Variants in OR7D4 observed in about 807,000 individuals in gnomAD.
OR7D4 encodes the protein olfactory receptor family 7 subfamily D member 4.
For missense variants in OR7D4, 319 were observed against 377.1 expected (o/e 0.85, Z 1.27); for synonymous variants, 154 against 158.4 (o/e 0.97, Z 0.21).
chr19:9,215,518 T>G (rs185770505), intron 1 of OR7D4, among the ~76,000 whole-genome samples: 1 of 152,174 alleles, frequency 6.6e-6, no homozygotes, highest in South Asian at 2.1e-4. Flanking sequence ...TTCTAATAGA[T>G]GTACAATAGT....
rs141602237 is a variant in OR7D4 at position 9,212,758 on chromosome 19, T to A, written c.*1141A>T. On this transcript the variant is annotated 3_prime_UTR_variant, in exon 2 of 2. Coordinates refer to ENST00000641669, the MANE Select transcript of OR7D4 (RefSeq NM_001005191.3). The stretch of plus-strand genomic sequence containing the variant: ...ACATTATCATTCTTTGCTTTTGTGT[T>A]TGTTTTTGGTTTGAGACAGGGTCTT... 2 of 152,220 alleles carry A rather than the reference T, an allele frequency of 1.3e-5. No individual in the cohort carries two copies. The highest frequency in any genetic ancestry group is 4.8e-5 in the African/African-American group (2 of 41,514). 9.4% of individuals were successfully genotyped at this position (152,220 alleles called of 1,614,324 possible).
chr19:9,215,085 C>A (rs932373966), intron 1 of OR7D4, among the ~76,000 whole-genome samples: 1 of 152,120 alleles, frequency 6.6e-6, no homozygotes, highest in Non-Finnish European at 1.5e-5. Context: ...TGGCTCACGC[C>A]TGTAATCCCA....
At position 9,214,703 on chromosome 19, in the gene OR7D4, G is replaced by A; in HGVS notation, c.135C>T (p.Ile45=). The change falls in exon 2 of 2, where the codon ATC becomes ATT. Residue 45 remains isoleucine, a synonymous_variant. Transcript: ENST00000641669. ...YLVTVLGNLL[I]ILAVSSDSHL... ...GGGAGTCAGAGCTGACGGCCAGAATGATGAGCAGGTTCCCCAGCACCGTGA... is the reference window on the plus strand; with the variant it reads ...GGGAGTCAGAGCTGACGGCCAGAATAATGAGCAGGTTCCCCAGCACCGTGA... 1 of 1,614,122 alleles carries A rather than the reference G, an allele frequency of 6.2e-7. No individual in the cohort carries two copies. Among genetic ancestry groups the A allele is most frequent in the Non-Finnish European group, 8.5e-7 (1 of 1,180,002 alleles).
intron 1 of OR7D4, among the ~76,000 whole-genome samples, chr19:9,216,792 A>G (rs1167169794): frequency 6.6e-6 from 1 of 152,152 alleles, no homozygotes; most frequent in African/African-American, 2.4e-5. Flanking sequence ...GGGTTTCACC[A>G]TGTTGGCCAG....
chr19:9,214,017 G>A lies in OR7D4; in HGVS notation c.821C>T (p.Ala274Val), dbSNP rs1294950011. The A allele has an allele frequency of 1.2e-6, 2 of 1,614,122 alleles. No homozygotes were observed. The highest frequency in any genetic ancestry group is 1.3e-5 in the African/African-American group (1 of 75,034). ...VTHSSQSSST[A>V]SVMYAMVTPM... ...GGTGACCATGGCGTACATCACTGAG[G>A]CGGTGGAGCTGCTCTGGGAAGAATG... Residue 274 changes from alanine to valine, a missense_variant, in exon 2 of 2, where the codon GCC (alanine) becomes GTC (valine). By Grantham distance (64) the Ala-to-Val change is moderately conservative. Coordinates refer to ENST00000641669, the MANE Select transcript of OR7D4 (RefSeq NM_001005191.3).
rs2051176528 is a variant in OR7D4 at position 9,212,110 on chromosome 19, A to G, written c.*1789T>C. ...TGTATATATTTATGGGGTAGATGAA[A>G]CGTTTTGATACAGGAATGCAATGTG... On this transcript the variant is annotated 3_prime_UTR_variant, in exon 2 of 2. Coordinates refer to ENST00000641669, the MANE Select transcript of OR7D4 (RefSeq NM_001005191.3). 6.6e-6 allele frequency: 1 copy of G among 152,156 alleles called. No homozygotes were observed. The highest frequency in any genetic ancestry group is 1.9e-4 in the East Asian group (1 of 5,190). 9.4% of individuals were successfully genotyped at this position (152,156 alleles called of 1,614,324 possible). A position where few individuals can be genotyped will look rare whatever the true frequency, so the allele number is the denominator to read the frequency against.
chr19:9,214,926 C>T (rs576916838), intron 1 of OR7D4, 76 bp from the exon 2 acceptor site: 10 of 729,700 alleles, frequency 1.4e-5, no homozygotes, highest in Non-Finnish European at 2.3e-5. Context: ...TTTACAATAT[C>T]ACCTTTTGAT....
At chr19:9,218,803 T>C (rs2051236216) in intron 1 of OR7D4, among the ~76,000 whole-genome samples, 1 of 152,112 alleles carries the variant, frequency 6.6e-6, no homozygotes, top group South Asian at 2.1e-4. Context: ...TTTCTTTTTT[T>C]GTTATTGTTT....
rs149523827 is a variant in OR7D4, at chr19:9,214,668, G to C, written c.170C>G (p.Thr57Ser). The C allele has an allele frequency of 2.0e-4, 319 of 1,614,172 alleles. No individual in the cohort carries two copies. The highest frequency in any genetic ancestry group is 1.0e-3 in the African/African-American group (76 of 75,048). Residue 57 changes from threonine to serine, a missense_variant, in exon 2 of 2, where the codon ACC becomes AGC. Transcript: ENST00000641669. ...GTTGGAGAGGAAGAAGTACATGGGG[G>C]TGTGGAGGTGGGAGTCAGAGCTGAC... ...LAVSSDSHLH[T>S]PMYFFLSNLS...
rs1169784456 is a variant in OR7D4 at position 9,212,771 on chromosome 19, G to A, written c.*1128C>T. The A allele has an allele frequency of 6.6e-6, 1 of 151,298 alleles. No homozygotes were observed. Among genetic ancestry groups the A allele is most frequent in the East Asian group, 2.0e-4 (1 of 5,094 alleles). 9.4% of individuals were successfully genotyped at this position (151,298 alleles called of 1,614,324 possible). A position where few individuals can be genotyped will look rare whatever the true frequency, so the allele number is the denominator to read the frequency against. On this transcript the variant is annotated 3_prime_UTR_variant, in exon 2 of 2. Transcript: ENST00000641669. ...TTGCTTTTGTGTTTGTTTTTGGTTT[G>A]AGACAGGGTCTTGCTCTGTCACCCA...
In OR7D4 at chr19:9,212,215, T is replaced by C. The variant is rs1047978106; in HGVS notation, c.*1684A>G. ...AGTTACAAACAATGCAATTATACTT[T>C]CTAAGTTATTTTGTTTTATTTATTT... On this transcript the variant is annotated 3_prime_UTR_variant, in exon 2 of 2. Coordinates refer to ENST00000641669, the MANE Select transcript of OR7D4 (RefSeq NM_001005191.3). The C allele has an allele frequency of 6.6e-6, 1 of 152,180 alleles. No homozygotes were observed. The highest frequency in any genetic ancestry group is 2.1e-4 in the South Asian group (1 of 4,836). 9.4% of individuals were successfully genotyped at this position (152,180 alleles called of 1,614,324 possible).
rs1371802639 is a variant in OR7D4, at chr19:9,212,539, CT to C, written c.*1359del. On this transcript the variant is annotated 3_prime_UTR_variant, in exon 2 of 2. Coordinates refer to ENST00000641669, the MANE Select transcript of OR7D4 (RefSeq NM_001005191.3). Reference sequence around the variant, plus strand: ...ATCAAGAGTTGGAACAAGATTGGCCCTGCCTAACATCACCTGTAGTGAGACA... The same window carrying C: ...ATCAAGAGTTGGAACAAGATTGGCCCGCCTAACATCACCTGTAGTGAGACA... 1 of 152,090 alleles carries C rather than the reference CT, an allele frequency of 6.6e-6. No individual in the cohort carries two copies. The highest frequency in any genetic ancestry group is 1.5e-5 in the Non-Finnish European group (1 of 68,026). 9.4% of individuals were successfully genotyped at this position (152,090 alleles called of 1,614,324 possible). A position where few individuals can be genotyped will look rare whatever the true frequency, so the allele number is the denominator to read the frequency against.
chr19:9,215,246 G>A (rs2051203013), intron 1 of OR7D4, among the ~76,000 whole-genome samples: 1 of 149,736 alleles, frequency 6.7e-6, no homozygotes, highest in Non-Finnish European at 1.5e-5. Flanking sequence ...AGGAGGCTGA[G>A]GCAGGAGAAT....
In OR7D4 at chr19:9,214,454, G is replaced by A; in HGVS notation, c.384C>T (p.His128=). ...TCATGATGACCGTGTAGTGCAGTGG[G>A]TGGCAGATGGCCACAAACCGGTCAT... is the stretch of plus-strand genomic sequence containing the variant. ...MAYDRFVAIC[H]PLHYTVIMNP... is the part of the protein sequence containing the mutation. The change falls in exon 2 of 2, where the codon CAC becomes CAT. Residue 128 remains histidine (H), a synonymous_variant. Coordinates refer to ENST00000641669, the MANE Select transcript of OR7D4 (RefSeq NM_001005191.3). The A allele has an allele frequency of 6.2e-7, 1 of 1,614,158 alleles. No individual in the cohort carries two copies. Among genetic ancestry groups the A allele is most frequent in the South Asian group, 1.1e-5 (1 of 91,078 alleles).
rs1340150054 is a variant in OR7D4, at chr19:9,214,293, G to A, written c.545C>T (p.Ala182Val). 1 of 1,614,202 alleles carries A rather than the reference G, an allele frequency of 6.2e-7. No homozygotes were observed. Among genetic ancestry groups the A allele is most frequent in the Admixed American group, 1.7e-5 (1 of 60,028 alleles). Reference protein sequence around the residue: ...TEIPHFFCEPAQVLKVACSNT... With the variant: ...TEIPHFFCEPVQVLKVACSNT... ...AGAGCAGGCCACCTTGAGGACCTGA[G>A]CCGGTTCACAGAAGAAATGCGGAAT... is the stretch of plus-strand genomic sequence containing the variant. The change falls in exon 2 of 2, where the codon GCT (alanine) becomes GTT (valine). Residue 182 changes from alanine to valine, a missense_variant. By Grantham distance (64) the Ala-to-Val change is moderately conservative (BLOSUM62 0). Transcript: ENST00000641669.
intron 1 of OR7D4, among the ~76,000 whole-genome samples, chr19:9,216,285 G>A (rs1352370033): frequency 6.6e-6 from 1 of 152,146 alleles, no homozygotes; most frequent in Non-Finnish European, 1.5e-5. Context: ...CCTGGTTCAT[G>A]TTCTTCTGAT....
chr19:9,214,855 T>C lies in OR7D4; in HGVS notation c.-13-5A>G, dbSNP rs2051200469. ...GCTTCCATGTAGCTGTTGTGTCTGCTGGGGAAGGAGGAAAAAGCAACGTTT... is the reference window on the plus strand; with the variant it reads ...GCTTCCATGTAGCTGTTGTGTCTGCCGGGGAAGGAGGAAAAAGCAACGTTT... On this transcript the variant is annotated splice_region_variant and splice_polypyrimidine_tract_variant and intron_variant, in intron 1 of 1. Coordinates refer to ENST00000641669, the MANE Select transcript of OR7D4 (RefSeq NM_001005191.3). 1.3e-6 allele frequency: 2 copies of C among 1,536,030 alleles called. No individual in the cohort carries two copies. Among genetic ancestry groups the C allele is most frequent in the African/African-American group, 1.4e-5 (1 of 72,674 alleles).
rs562909008 is a variant in OR7D4, at chr19:9,215,071, A to G, written c.-13-221T>C. On this transcript the variant is annotated intron_variant, in intron 1 of 1. Coordinates refer to ENST00000641669, the MANE Select transcript of OR7D4 (RefSeq NM_001005191.3). ...TAGAAATCTCTCTCTTTGGCCGGGCATGGTGGCTCACGCCTGTAATCCCAG... is the reference window on the plus strand; with the variant it reads ...TAGAAATCTCTCTCTTTGGCCGGGCGTGGTGGCTCACGCCTGTAATCCCAG... Among the ~76,000 whole-genome samples the G allele has an allele frequency of 3.9e-5, 6 of 152,232 alleles. No individual in the cohort carries two copies. The South Asian group carries it at 6.2e-4, about 16-fold the overall frequency.
In OR7D4 at chr19:9,214,127, G is replaced by T. The variant is rs1484673623; in HGVS notation, c.711C>A (p.Ala237=). 6.2e-7 allele frequency: 1 copy of T among 1,614,050 alleles called. No individual in the cohort carries two copies. The highest frequency in any genetic ancestry group is 8.5e-7 in the Non-Finnish European group (1 of 1,180,004). The change falls in exon 2 of 2, where the codon GCC becomes GCA. Residue 237 remains alanine (A), a synonymous_variant. Transcript: ENST00000641669. ...AGAGGTGAGATCCACAGGTGGAAAA[G>T]GCTTTGTACTTGCCCTTGGTGGAGG... ...GMSSTKGKYK[A]FSTCGSHLCV...
Sources: allele counts gnomAD v4.1 joint callset (sites outside exome capture counted in the v4.1 genomes callset), GRCh38; gene constraint gnomAD v4.1.1; transcripts MANE v1.5; gene names NCBI Gene and HGNC (gene_info 2026-07-23, HGNC 2026-07-21).